The following CCDC7 variants were observed in gnomAD, a reference collection of about 807,000 sequenced individuals.
CCDC7 encodes coiled-coil domain-containing protein 7.
CCDC7 carries 183 observed loss-of-function variants against 196.9 expected under a neutral mutation model. The observed-to-expected ratio is 0.93, with a 90% CI of 0.82 to 1.05. The LOEUF is 1.05. Among genes scored for constraint, CCDC7 ranks in the 50% least tolerant of loss-of-function variants. The pLI is 0.00. For synonymous variants in CCDC7, 525 were observed against 484.6 expected (o/e 1.08, Z -1.10); for missense variants, 1,540 against 1,482.2 (o/e 1.04, Z -0.64).
intron 13 of CCDC7, among the ~76,000 whole-genome samples, chr10:32,559,566 T>C (rs1299973041): frequency 2.0e-5 from 3 of 152,264 alleles, no homozygotes; most frequent in Non-Finnish European, 4.4e-5. Context: ...GTAGACGGTC[T>C]GGAGTGGACC....
intron 13 of CCDC7, among the ~76,000 whole-genome samples, chr10:32,557,558 T>A (rs888228895): frequency 1.2e-4 from 18 of 152,198 alleles, no homozygotes; most frequent in Non-Finnish European, 1.8e-4. Flanking sequence ...GTATTTAGAT[T>A]GGGTATTTTG....
intron 9 of CCDC7, among the ~76,000 whole-genome samples, chr10:32,510,167 C>T (rs1031761571): frequency 6.6e-6 from 1 of 152,054 alleles, no homozygotes; most frequent in Non-Finnish European, 1.5e-5. Context: ...ATGCATACAA[C>T]AGAATATTAT....
chr10:32,780,204 T>C (rs113842922), intron 29 of CCDC7, among the ~76,000 whole-genome samples: 6,468 of 152,202 alleles, frequency 0.042, 463 homozygotes, highest in African/African-American at 0.15. Context: ...GCCACTGCAC[T>C]CCAGCCTGGC....
intron 18 of CCDC7, among the ~76,000 whole-genome samples, chr10:32,633,704 G>C (rs868183167): frequency 1.4e-5 from 1 of 70,924 alleles, no homozygotes; most frequent in Non-Finnish European, 4.5e-5. Flanking sequence ...ATATGTGTGT[G>C]TGTGTGTGTG....
Position 32,729,540 on chromosome 10 carries a change from A to G in CCDC7, c.2905+83A>G, listed in dbSNP as rs1042069773. ...TTTTTGGTTTATAAATATGCCTTCAACCATATGCTTCTTCTGCTAATTATT... is the reference window on the plus strand; with the variant it reads ...TTTTTGGTTTATAAATATGCCTTCAGCCATATGCTTCTTCTGCTAATTATT... On this transcript the variant is annotated intron_variant, in intron 28 of 41. Coordinates refer to ENST00000639629, the Ensembl canonical transcript of CCDC7. The G allele has an allele frequency of 5.7e-5, 34 of 594,358 alleles. 1 individual carries two copies. The highest frequency in any genetic ancestry group is 9.8e-4 in the Middle Eastern group (2 of 2,050). 36.8% of individuals were successfully genotyped at this position (594,358 alleles called of 1,614,324 possible).
chr10:32,729,316 A>C lies in CCDC7; in HGVS notation c.2780-16A>C. On this transcript the variant is annotated splice_polypyrimidine_tract_variant and intron_variant, in intron 27 of 41. Transcript: ENST00000639629. Reference sequence around the variant, plus strand: ...TATCCAGAAGTTCTATTGCACATCTATTTTTTTCTATTTAGCGTTTCCTTT... The same window carrying C: ...TATCCAGAAGTTCTATTGCACATCTCTTTTTTTCTATTTAGCGTTTCCTTT... 6.5e-7 allele frequency: 1 copy of C among 1,544,940 alleles called. No homozygotes were observed. The highest frequency in any genetic ancestry group is 8.7e-7 in the Non-Finnish European group (1 of 1,146,762).
upstream of CCDC7, among the ~76,000 whole-genome samples, chr10:32,448,706 C>T (rs867943375): frequency 2.0e-5 from 3 of 151,946 alleles, no homozygotes; most frequent in Non-Finnish European, 2.9e-5. Flanking sequence ...TCATATATAT[C>T]GGATGATCTT....
At chr10:32,490,012 G>A (rs950742595) in intron 8 of CCDC7, among the ~76,000 whole-genome samples, 7 of 152,148 alleles carry the variant, frequency 4.6e-5, no homozygotes, top group African/African-American at 1.4e-4. Context: ...TCTCAGTGGT[G>A]AGAGCTGTCA....
intron 41 of CCDC7, among the ~76,000 whole-genome samples, chr10:32,875,964 T>C (rs2094585154): frequency 6.6e-6 from 1 of 152,006 alleles, no homozygotes; most frequent in Non-Finnish European, 1.5e-5. Flanking sequence ...TTAAGACTTC[T>C]TAAAGTGTGG....
intron 3 of CCDC7, among the ~76,000 whole-genome samples, chr10:32,456,971 C>A (rs928158692): frequency 6.6e-6 from 1 of 151,712 alleles, no homozygotes; most frequent in African/African-American, 2.4e-5. Flanking sequence ...ATATTCATCA[C>A]GTCAAACACC....
intron 39 of CCDC7, among the ~76,000 whole-genome samples, chr10:32,851,095 CT>C (rs539445316): frequency 3.9e-4 from 60 of 152,062 alleles, no homozygotes; most frequent in African/African-American, 1.4e-3. Flanking sequence ...CTGCTTTGAT[CT>C]TTATTTTTTT....
At chr10:32,708,216 T>A (rs747952078) in intron 24 of CCDC7, among the ~76,000 whole-genome samples, 12 of 152,244 alleles carry the variant, frequency 7.9e-5, no homozygotes, top group Non-Finnish European at 1.3e-4. Flanking sequence ...AAACAAGAAA[T>A]GGGGAAAGGA....
At chr10:32,485,070 G>A (rs1294137021) in intron 8 of CCDC7, among the ~76,000 whole-genome samples, 1 of 152,166 alleles carries the variant, frequency 6.6e-6, no homozygotes, top group Non-Finnish European at 1.5e-5. Flanking sequence ...TTCAGAAGGA[G>A]TGGTACCAGC....
intron 28 of CCDC7, among the ~76,000 whole-genome samples, chr10:32,767,651 G>A (rs922464008): frequency 8.6e-5 from 13 of 151,862 alleles, no homozygotes; most frequent in South Asian, 2.1e-4. Context: ...GGATGGGTAC[G>A]AGCAAGTCCA....
intron 15 of CCDC7, among the ~76,000 whole-genome samples, chr10:32,568,908 T>G (rs1270369893): frequency 6.6e-6 from 1 of 152,236 alleles, no homozygotes; most frequent in African/African-American, 2.4e-5. Context: ...AGATATCTTC[T>G]TTGCTTGTCT....
At chr10:32,718,397 C>A (rs968466039) in intron 25 of CCDC7, among the ~76,000 whole-genome samples, 1 of 152,086 alleles carries the variant, frequency 6.6e-6, no homozygotes, top group Non-Finnish European at 1.5e-5. Context: ...CTATTTATGA[C>A]AAACCTACAG....
At chr10:32,552,419 C>T (rs1039482460) in intron 13 of CCDC7, among the ~76,000 whole-genome samples, 1 of 152,160 alleles carries the variant, frequency 6.6e-6, no homozygotes, top group Non-Finnish European at 1.5e-5. Flanking sequence ...GGTACTGTTG[C>T]ATTCATCGTG....
intron 21 of CCDC7, among the ~76,000 whole-genome samples, chr10:32,667,708 G>A (rs1476957507): frequency 1.3e-5 from 2 of 152,106 alleles, no homozygotes; most frequent in Non-Finnish European, 2.9e-5. Context: ...TGAGGGCTCT[G>A]TTCTGTCCCA....
In CCDC7 at chr10:32,729,010, A is replaced by ATTTAAAG; in HGVS notation, c.2779+15_2779+16insTAAAGTT. 6.7e-7 allele frequency: 1 copy of ATTTAAAG among 1,492,534 alleles called. No homozygotes were observed. The highest frequency in any genetic ancestry group is 9.3e-7 in the Non-Finnish European group (1 of 1,076,806). 92.5% of individuals were successfully genotyped at this position (1,492,534 alleles called of 1,614,324 possible). On this transcript the variant is annotated intron_variant, in intron 27 of 41. Transcript: ENST00000639629. ...GAAAGACACAAGAGTGAGTATAATA[A>ATTTAAAG]TTATCGATAACTTTAAATTATTTTA...
Sources: gnomAD v4.1 joint callset for allele counts (sites outside exome capture counted in the v4.1 genomes callset) on GRCh38, gnomAD v4.1.1 for gene constraint, MANE v1.5 for transcripts, NCBI Gene and HGNC (gene_info 2026-07-23, HGNC 2026-07-21) for gene names.